TFEC: variants seen among roughly 807,000 people sequenced by gnomAD.
TFEC encodes class E basic helix-loop-helix protein 34.
Under a neutral mutation model 41.6 loss-of-function variants are expected in TFEC, and 31 were observed. That is an observed-to-expected ratio of 0.74 (90% CI 0.56 to 1.01). The LOEUF (loss-of-function observed/expected upper bound fraction) is 1.01, where lower values mean the gene tolerates loss of function less well. TFEC is among the 50% of genes least tolerant of loss of function. The pLI, the probability that TFEC is intolerant of heterozygous loss-of-function variation, is 0.00. For synonymous variants in TFEC, 143 were observed against 140.6 expected (o/e 1.02, Z -0.12); for missense variants, 402 against 404.1 (o/e 0.99, Z 0.04).
chr7:116,001,916 A>T (rs919208444), intron 1 of TFEC, among the ~76,000 whole-genome samples: 3 of 152,176 alleles, frequency 2.0e-5, no homozygotes, highest in South Asian at 4.1e-4. Context: ...AAAGGTATAT[A>T]AAAAGGTGCT....
chr7:115,991,963 A>T (rs567465198), intron 1 of TFEC, among the ~76,000 whole-genome samples: 1 of 152,116 alleles, frequency 6.6e-6, no homozygotes, highest in African/African-American at 2.4e-5. Flanking sequence ...GAAGTAAAGC[A>T]CTCCTCAGCA....
intron 3 of TFEC, among the ~76,000 whole-genome samples, chr7:115,968,471 T>A (rs754056657): frequency 2.0e-5 from 3 of 151,852 alleles, no homozygotes; most frequent in Non-Finnish European, 2.9e-5. Context: ...GATCTTGAAC[T>A]ATAACAGTTT....
At chr7:116,154,151 T>A (rs1346436196) in intron 1 of TFEC, among the ~76,000 whole-genome samples, 1 of 152,230 alleles carries the variant, frequency 6.6e-6, no homozygotes, top group Non-Finnish European at 1.5e-5. Flanking sequence ...CTTCAAATGA[T>A]GCTAGTCTTC....
chr7:116,036,415 CA>C (rs796242232), intron 3 of TFEC, among the ~76,000 whole-genome samples: 81 of 152,134 alleles, frequency 5.3e-4, no homozygotes, highest in African/African-American at 1.7e-3. Flanking sequence ...AGCTCTCTGA[CA>C]AAACTTAAAA....
intron 5 of TFEC, among the ~76,000 whole-genome samples, 179 bp downstream of exon 5, chr7:115,954,407 T>C (rs1192579382): frequency 6.6e-6 from 1 of 152,030 alleles, no homozygotes; most frequent in African/African-American, 2.4e-5. Context: ...TTTGTGAAAA[T>C]AGATAGCTTT....
rs1197481740 is a variant in TFEC, at chr7:115,938,871, A to G, written c.*1680T>C. ...CTAAGGGCCTTCACAACCTGTTGTC[A>G]GTCTTATGCTTCAGAACTCCCCAAC... On this transcript the variant is annotated 3_prime_UTR_variant, in exon 8 of 8. Transcript: ENST00000265440. The G allele has an allele frequency of 2.6e-5, 4 of 151,920 alleles. No homozygotes were observed. The highest frequency in any genetic ancestry group is 9.7e-5 in the African/African-American group (4 of 41,420). The allele number at this position is 151,920 out of a possible 1,614,324, so 9.4% of individuals were successfully genotyped here. A position where few individuals can be genotyped will look rare whatever the true frequency, so the allele number is the denominator to read the frequency against.
intron 1 of TFEC, among the ~76,000 whole-genome samples, chr7:116,029,780 A>G (rs1795725633): frequency 6.6e-6 from 1 of 152,052 alleles, no homozygotes; most frequent in Non-Finnish European, 1.5e-5. Flanking sequence ...TCTTTTGATT[A>G]TTACAATTGA....
At chr7:115,961,549 A>G (rs887381153) in intron 3 of TFEC, among the ~76,000 whole-genome samples, 1 of 151,652 alleles carries the variant, frequency 6.6e-6, no homozygotes, top group Non-Finnish European at 1.5e-5. Context: ...AGATAATATA[A>G]TAAGGCCGTA....
chr7:116,010,806 A>T (rs761801991), intron 1 of TFEC, among the ~76,000 whole-genome samples: 9 of 152,294 alleles, frequency 5.9e-5, no homozygotes, highest in South Asian at 2.1e-4. Context: ...ATTGTTGTTT[A>T]AAGTCTGTGC....
At chr7:116,033,659 A>G (rs1795840316), upstream of TFEC, among the ~76,000 whole-genome samples, 1 of 151,922 alleles carries the variant, frequency 6.6e-6, no homozygotes, top group African/African-American at 2.4e-5. Flanking sequence ...TTTATACCAG[A>G]TCCCATCCCT....
intron 3 of TFEC, among the ~76,000 whole-genome samples, chr7:116,108,459 T>A (rs1372996307): frequency 1.3e-5 from 2 of 152,146 alleles, no homozygotes; most frequent in Non-Finnish European, 2.9e-5. Flanking sequence ...TTTATTTATT[T>A]CCCATTCCAC....
chr7:116,022,971 A>G (rs921996259), intron 1 of TFEC, among the ~76,000 whole-genome samples: 4 of 152,136 alleles, frequency 2.6e-5, no homozygotes, highest in Non-Finnish European at 5.9e-5. Context: ...ACAGCTGATT[A>G]TGGCAGAGCT....
chr7:115,938,202 A>C lies in TFEC; in HGVS notation c.*2349T>G, dbSNP rs901779421. On this transcript the variant is annotated 3_prime_UTR_variant, in exon 8 of 8. Coordinates refer to ENST00000265440, the MANE Select transcript of TFEC (RefSeq NM_012252.4). ...TTAACAGAACAGAAAATAATGACTG[A>C]GTAATGACATCATCAGTGCAAGTCT... The C allele has an allele frequency of 2.0e-5, 3 of 151,910 alleles. No individual in the cohort carries two copies. The highest frequency in any genetic ancestry group is 2.9e-5 in the Non-Finnish European group (2 of 67,872). 9.4% of individuals were successfully genotyped at this position (151,910 alleles called of 1,614,324 possible). A position where few individuals can be genotyped will look rare whatever the true frequency, so the allele number is the denominator to read the frequency against.
At chr7:116,062,437 G>A (rs185060062) in intron 3 of TFEC, among the ~76,000 whole-genome samples, 1 of 149,488 alleles carries the variant, frequency 6.7e-6, no homozygotes, top group African/African-American at 2.4e-5. Flanking sequence ...CCACTTATGA[G>A]TGAGAAAATA....
Position 116,084,408 on chromosome 7 carries a change from C to T in TFEC, c.198+26300G>A, listed in dbSNP as rs988735115. Among the ~76,000 whole-genome samples the T allele has an allele frequency of 9.2e-5, 14 of 151,822 alleles. 1 individual carries two copies. Among genetic ancestry groups the T allele is most frequent in the African/African-American group, 3.1e-4 (13 of 41,390 alleles). On this transcript the variant is annotated intron_variant, in intron 3 of 8. Coordinates refer to the TFEC transcript ENST00000484212. Reference sequence around the variant, plus strand: ...TAACAAATAAAAATATTTTAACTAGCTAGTTGCTGAAGACTTACAATACTA... The same window carrying T: ...TAACAAATAAAAATATTTTAACTAGTTAGTTGCTGAAGACTTACAATACTA...
chr7:116,111,541 A>G (rs1164782330), intron 2 of TFEC, among the ~76,000 whole-genome samples: 1 of 152,028 alleles, frequency 6.6e-6, no homozygotes, highest in African/African-American at 2.4e-5. Flanking sequence ...ACAGACCACA[A>G]TGGATACTGC....
chr7:115,982,941 A>G (rs1793691455), intron 2 of TFEC, among the ~76,000 whole-genome samples: 2 of 152,138 alleles, frequency 1.3e-5, no homozygotes, highest in South Asian at 4.1e-4. Context: ...TAATAAAATC[A>G]TTTCTAGATT....
chr7:116,040,600 T>C (rs1196250417), intron 3 of TFEC, among the ~76,000 whole-genome samples: 1 of 152,220 alleles, frequency 6.6e-6, no homozygotes, highest in African/African-American at 2.4e-5. Context: ...GTTAATAATC[T>C]ATCATAATGT....
intron 1 of TFEC, among the ~76,000 whole-genome samples, chr7:116,124,274 A>G (rs1798167481): frequency 6.6e-6 from 1 of 152,128 alleles, no homozygotes; most frequent in Non-Finnish European, 1.5e-5. Flanking sequence ...AAAGAGAGGG[A>G]AAAACGGGGG....
Sources: allele counts gnomAD v4.1 joint callset (sites outside exome capture counted in the v4.1 genomes callset), GRCh38; gene constraint gnomAD v4.1.1; transcripts MANE v1.5; gene names NCBI Gene and HGNC (gene_info 2026-07-23, HGNC 2026-07-21).